Variants in REV3L observed in about 807,000 individuals in gnomAD.
REV3L encodes the protein DNA polymerase zeta catalytic subunit.
REV3L carries 69 observed loss-of-function variants against 299.4 expected under a neutral mutation model. The observed-to-expected ratio is 0.23, with a 90% confidence interval of 0.19 to 0.28. The LOEUF is 0.28. Among genes scored for constraint, REV3L ranks in the 10% least tolerant of loss-of-function variants. REV3L has a pLI of 1.00. For synonymous variants in REV3L, 1,238 were observed against 1,271.4 expected, an observed-to-expected ratio of 0.97 and a Z score of 0.56; for missense variants, 3,128 against 3,693.8, an observed-to-expected ratio of 0.85 and a Z score of 3.97.
chr6:111,317,950 A>G (rs570960915), intron 26 of REV3L, among the ~76,000 whole-genome samples: 1 of 152,334 alleles, frequency 6.6e-6, no homozygotes, highest in African/African-American at 2.4e-5. Context: ...ATTCCACTGT[A>G]TGGATATACC....
intron 5 of REV3L, among the ~76,000 whole-genome samples, chr6:111,390,600 A>AAT (rs1302409429): frequency 6.6e-6 from 1 of 152,186 alleles, no homozygotes; most frequent in Non-Finnish European, 1.5e-5. Context: ...GAGAACATGC[A>AAT]ATAAAAGGGA....
intron 1 of REV3L, among the ~76,000 whole-genome samples, chr6:111,445,240 T>C (rs1788709513): frequency 1.3e-5 from 2 of 151,978 alleles, no homozygotes; most frequent in South Asian, 2.1e-4. Context: ...AAAGGAAAGG[T>C]AGGGAGGGGG....
chr6:111,449,030 GA>G (rs1789196889), intron 1 of REV3L, among the ~76,000 whole-genome samples: 1 of 152,076 alleles, frequency 6.6e-6, no homozygotes, highest in Non-Finnish European at 1.5e-5. Flanking sequence ...ATAGAAAATG[GA>G]ATATGAAACA....
At position 111,482,732 on chromosome 6, in the gene REV3L, C is replaced by A. The variant is rs1461137329; in HGVS notation, c.139+18G>T. 3 of 1,342,580 alleles carry A rather than the reference C, an allele frequency of 2.2e-6. No homozygotes were observed. The highest frequency in any genetic ancestry group is 2.9e-6 in the Non-Finnish European group (3 of 1,039,452). The allele number at this position is 1,342,580 out of a possible 1,614,324, so 83.2% of individuals were successfully genotyped here. A position where few individuals can be genotyped will look rare whatever the true frequency, so the allele number is the denominator to read the frequency against. ...CCCGCCGACTCCCGCTCCCGCCCCG[C>A]GCCCGGCGCCCGCTTACCTGCCGGG... On this transcript the variant is annotated intron_variant, in intron 1 of 31. Transcript: ENST00000368802.
chr6:111,360,949 A>C (rs1369287883), intron 16 of REV3L, among the ~76,000 whole-genome samples: 1 of 152,160 alleles, frequency 6.6e-6, no homozygotes, highest in African/African-American at 2.4e-5. Flanking sequence ...AAGGGAAAAA[A>C]CTTTTACTTT....
At chr6:111,418,766 C>G (rs1378615167) in intron 1 of REV3L, among the ~76,000 whole-genome samples, 1 of 151,994 alleles carries the variant, frequency 6.6e-6, no homozygotes, top group Admixed American at 6.5e-5. Context: ...TGCCTGTTTC[C>G]TTATCTAACT....
intron 18 of REV3L, 38 bp downstream of exon 18, chr6:111,356,976 T>C: frequency 8.7e-7 from 1 of 1,147,192 alleles, no homozygotes; most frequent in East Asian, 2.5e-5. Context: ...AACGACTCTC[T>C]GAATAAAACT....
chr6:111,380,320 C>T lies in REV3L; in HGVS notation c.1217-101G>A, dbSNP rs1175086771. ...CCAGGCTGGAGTTGGAGTGCAGTGGCGTGATCTAGGCTCACTGCAAGCTCT... is the reference window on the plus strand; with the variant it reads ...CCAGGCTGGAGTTGGAGTGCAGTGGTGTGATCTAGGCTCACTGCAAGCTCT... On this transcript the variant is annotated intron_variant, in intron 10 of 31. Coordinates refer to ENST00000368802, the MANE Select transcript of REV3L (RefSeq NM_001372078.1). 6.4e-5 allele frequency: 51 copies of T among 802,080 alleles called. 1 individual carries two copies. The South Asian group carries it at 6.8e-4, about 11-fold the overall frequency. The allele number at this position is 802,080 out of a possible 1,614,324, so 49.7% of individuals were successfully genotyped here. A position where few individuals can be genotyped will look rare whatever the true frequency, so the allele number is the denominator to read the frequency against.
At chr6:111,379,556 T>G (rs1308608668) in intron 11 of REV3L, among the ~76,000 whole-genome samples, 2 of 152,242 alleles carry the variant, frequency 1.3e-5, no homozygotes, top group Non-Finnish European at 2.9e-5. Flanking sequence ...TTTATTTATT[T>G]GTTTTTAACC....
intron 1 of REV3L, among the ~76,000 whole-genome samples, chr6:111,420,870 G>T (rs146579217): frequency 6.6e-6 from 1 of 152,164 alleles, no homozygotes; most frequent in Non-Finnish European, 1.5e-5. Flanking sequence ...GGCTGGGCAT[G>T]GTGGCTCACG....
Position 111,373,886 on chromosome 6 carries a change from C to T in REV3L, c.4469G>A (p.Arg1490Lys). 1 of 1,613,932 alleles carries T rather than the reference C, an allele frequency of 6.2e-7. No homozygotes were observed. The change falls in exon 13 of 32, where the codon AGA becomes AAA. Residue 1490 changes from arginine to lysine, a missense_variant. By Grantham distance (26) the Arg-to-Lys change is conservative (BLOSUM62 2). Transcript: ENST00000368802. ...TTCTGATAACGACCTCGGTTTTACTCTTTCAGGTTTAAAATTTGACATATC... is the reference window on the plus strand; with the variant it reads ...TTCTGATAACGACCTCGGTTTTACTTTTTCAGGTTTAAAATTTGACATATC... ...ILDMSNFKPE[R>K]VKPRSLSEAI...
At chr6:111,439,510 C>T (rs1390974184) in intron 1 of REV3L, among the ~76,000 whole-genome samples, 2 of 152,208 alleles carry the variant, frequency 1.3e-5, no homozygotes, top group Non-Finnish European at 2.9e-5. Context: ...GAGCATTCTA[C>T]AGTCATTCAA....
At chr6:111,463,591 C>T (rs558815045) in intron 1 of REV3L, among the ~76,000 whole-genome samples, 18 of 152,264 alleles carry the variant, frequency 1.2e-4, no homozygotes, top group African/African-American at 3.6e-4. Context: ...TAATCCTTCT[C>T]TAAATTTTTC....
At chr6:111,446,001 C>T (rs1425643725) in intron 1 of REV3L, among the ~76,000 whole-genome samples, 3 of 152,148 alleles carry the variant, frequency 2.0e-5, no homozygotes, top group Non-Finnish European at 4.4e-5. Context: ...ACAATGGAGA[C>T]AGACTGAGGA....
chr6:111,379,977 A>C lies in REV3L; in HGVS notation c.1454+5T>G. On this transcript the variant is annotated splice_donor_5th_base_variant and intron_variant, in intron 11 of 31. Coordinates refer to ENST00000368802, the MANE Select transcript of REV3L (RefSeq NM_001372078.1). ...ATAAAACAACTGCAATAACTAAAAA[A>C]TTACCTCTTTTTGGCACAATGTTCT... is the stretch of plus-strand genomic sequence containing the variant. The C allele has an allele frequency of 2.5e-6, 4 of 1,573,258 alleles. No homozygotes were observed. Among genetic ancestry groups the C allele is most frequent in the Non-Finnish European group, 3.5e-6 (4 of 1,148,032 alleles).
intron 18 of REV3L, among the ~76,000 whole-genome samples, chr6:111,352,880 G>T (rs1777718071): frequency 6.6e-6 from 1 of 152,158 alleles, no homozygotes; most frequent in South Asian, 2.1e-4. Flanking sequence ...CCACCATAGA[G>T]AAATGTTTAG....
In REV3L at chr6:111,376,622, T is replaced by C. The variant is rs1404407814; in HGVS notation, c.1733A>G (p.Gln578Arg). 1.4e-5 allele frequency: 23 copies of C among 1,613,202 alleles called. No individual in the cohort carries two copies. The highest frequency in any genetic ancestry group is 1.9e-5 in the Non-Finnish European group (23 of 1,179,888). ...AGAAAGGGCACTTGTGTGTTTACAC[T>C]GAAAGGTAATCTTAGCAGAAGATGA... is the stretch of plus-strand genomic sequence containing the variant. ...EPSSSAKITF[Q>R]CKHTSALSSH... Residue 578 changes from glutamine (Q) to arginine (R), a missense_variant, in exon 13 of 32, where the codon CAG (glutamine) becomes CGG (arginine). Physicochemically the swap from Gln to Arg is conservative, Grantham distance 43. This residue lies in a region of REV3L where 2,409 missense variants were observed against 2,611.8 expected (regional missense o/e 0.92). Coordinates refer to ENST00000368802, the MANE Select transcript of REV3L (RefSeq NM_001372078.1).
chr6:111,353,554 G>GAGCA (rs1462165304), intron 18 of REV3L: 1 of 152,148 alleles, frequency 6.6e-6, no homozygotes, highest in Non-Finnish European at 1.5e-5. Flanking sequence ...CAGACTTGCT[G>GAGCA]AGCAGCCTTC....
intron 13 of REV3L, among the ~76,000 whole-genome samples, chr6:111,370,652 G>T (rs1397472704): frequency 6.6e-6 from 1 of 152,068 alleles, no homozygotes; most frequent in Non-Finnish European, 1.5e-5. Flanking sequence ...TTGTGAATCT[G>T]CTGGGTAAAA....
Sources: gnomAD v4.1 joint callset for allele counts (sites outside exome capture counted in the v4.1 genomes callset) on GRCh38, gnomAD v4.1.1 for gene constraint, gnomAD v4.1.1 regional missense constraint, MANE v1.5 for transcripts, NCBI Gene and HGNC (gene_info 2026-07-23, HGNC 2026-07-21) for gene names.